The following TMEM71 variants were observed in gnomAD, a reference collection of about 807,000 sequenced individuals.
The protein encoded by TMEM71 is transmembrane protein 71.
A neutral mutation model predicts 38.0 loss-of-function variants in TMEM71; 44 were observed. The observed-to-expected ratio is 1.16, with a 90% CI of 0.91 to 1.49. TMEM71 has a LOEUF of 1.49. Ranked by LOEUF, TMEM71 falls within the 40% of genes most tolerant of loss-of-function variation. TMEM71 has a pLI of 0.00. For synonymous variants in TMEM71, 133 were observed against 122.5 expected (o/e 1.09, Z -0.56); for missense variants, 367 against 348.6 (o/e 1.05, Z -0.42).
downstream of TMEM71, among the ~76,000 whole-genome samples, chr8:132,708,690 G>C (rs748000577): frequency 2.0e-5 from 3 of 152,158 alleles, no homozygotes; most frequent in Non-Finnish European, 4.4e-5. Flanking sequence ...GTGGCAAAAG[G>C]ACTTTGTAAA....
At chr8:132,728,570 G>A (rs890352013) in intron 5 of TMEM71, among the ~76,000 whole-genome samples, 1 of 152,208 alleles carries the variant, frequency 6.6e-6, no homozygotes, top group African/African-American at 2.4e-5. Flanking sequence ...CTTCATACTT[G>A]AAGGTTGAAG....
At chr8:132,724,745 G>T (rs1827043543) in intron 6 of TMEM71, among the ~76,000 whole-genome samples, 2 of 152,308 alleles carry the variant, frequency 1.3e-5, no homozygotes, top group East Asian at 3.9e-4. Context: ...AGCATTATTA[G>T]AGAAGTGATA....
intron 7 of TMEM71, among the ~76,000 whole-genome samples, chr8:132,715,102 T>C (rs1239582431): frequency 6.6e-6 from 1 of 152,112 alleles, no homozygotes; most frequent in African/African-American, 2.4e-5. Context: ...TCTCATTCAT[T>C]GCAGTTAAGA....
intron 5 of TMEM71, among the ~76,000 whole-genome samples, chr8:132,741,737 G>A (rs1000992856): frequency 7.9e-5 from 12 of 152,130 alleles, no homozygotes; most frequent in East Asian, 5.8e-4. Flanking sequence ...ACATGAAGGC[G>A]GACTAGGAGC....
chr8:132,755,182 T>C (rs534870995), intron 3 of TMEM71, among the ~76,000 whole-genome samples: 56 of 152,172 alleles, frequency 3.7e-4, no homozygotes, highest in Non-Finnish European at 6.3e-4. Context: ...TCAACAGTTA[T>C]CAACTGTAGC....
At chr8:132,771,643 T>C in the TMEM71 span, among the ~76,000 whole-genome samples, 126,144 of 151,276 alleles carry the variant, frequency 0.83, 53,758 homozygotes, top group East Asian at 1. Flanking sequence ...TAACATCATA[T>C]TTCTTTATTT....
intron 4 of TMEM71, among the ~76,000 whole-genome samples, chr8:132,749,832 G>T (rs1480207467): frequency 6.6e-6 from 1 of 151,956 alleles, no homozygotes; most frequent in Non-Finnish European, 1.5e-5. Context: ...TGGCCAACAT[G>T]GCGAAACCCC....
upstream of TMEM71, among the ~76,000 whole-genome samples, chr8:132,763,285 T>A (rs1482791412): frequency 1.3e-5 from 2 of 152,224 alleles, no homozygotes; most frequent in East Asian, 3.8e-4. Flanking sequence ...AACATGAGCA[T>A]TAAAAGAGCA....
At chr8:132,706,326 G>T (rs574819811), downstream of TMEM71, among the ~76,000 whole-genome samples, 1 of 152,170 alleles carries the variant, frequency 6.6e-6, no homozygotes, top group East Asian at 1.9e-4. Flanking sequence ...CTTGTTTCAT[G>T]CAATGCCCTG....
chr8:132,720,799 A>C (rs1375684627), intron 7 of TMEM71, among the ~76,000 whole-genome samples: 1 of 152,226 alleles, frequency 6.6e-6, no homozygotes, highest in African/African-American at 2.4e-5. Context: ...AGAACCATAA[A>C]GACCCCTGGA....
intron 5 of TMEM71, among the ~76,000 whole-genome samples, chr8:132,731,764 C>A (rs971589440): frequency 2.6e-5 from 4 of 152,154 alleles, no homozygotes; most frequent in African/African-American, 9.7e-5. Context: ...GTGATTTTTA[C>A]CATGTAGTAG....
chr8:132,718,815 A>C (rs1230725923), intron 7 of TMEM71, among the ~76,000 whole-genome samples: 1 of 152,260 alleles, frequency 6.6e-6, no homozygotes, highest in Non-Finnish European at 1.5e-5. Context: ...TTTTGCCAAT[A>C]TGATGGGTGA....
chr8:132,731,501 G>T (rs888278971), intron 5 of TMEM71, among the ~76,000 whole-genome samples: 4 of 152,184 alleles, frequency 2.6e-5, no homozygotes, highest in African/African-American at 9.7e-5. Flanking sequence ...TAGGCACAGG[G>T]TTTATCCCAT....
intron 5 of TMEM71, among the ~76,000 whole-genome samples, chr8:132,739,261 T>C (rs1038656242): frequency 6.6e-6 from 1 of 152,226 alleles, no homozygotes; most frequent in African/African-American, 2.4e-5. Flanking sequence ...GAGCAGAGTC[T>C]GGACTTTTAA....
At chr8:132,762,950 T>C (rs1277152980), upstream of TMEM71, among the ~76,000 whole-genome samples, 2 of 152,228 alleles carry the variant, frequency 1.3e-5, no homozygotes, top group Non-Finnish European at 2.9e-5. Context: ...TCTTTCAAAA[T>C]TGCCAATGGC....
At chr8:132,731,413 G>A (rs1397556478) in intron 5 of TMEM71, among the ~76,000 whole-genome samples, 1 of 152,130 alleles carries the variant, frequency 6.6e-6, no homozygotes, top group African/African-American at 2.4e-5. Context: ...CCTTGGGGAA[G>A]GTAATATTTA....
chr8:132,775,374 C>T, the TMEM71 span: 6 of 365,484 alleles, frequency 1.6e-5, no homozygotes, highest in South Asian at 2.6e-4. Context: ...GTCGCCGGGG[C>T]CCGGCGTCGC....
At chr8:132,709,187 T>C (rs907200682), downstream of TMEM71, among the ~76,000 whole-genome samples, 1 of 152,228 alleles carries the variant, frequency 6.6e-6, no homozygotes, top group Non-Finnish European at 1.5e-5. Flanking sequence ...AAATTCTCAA[T>C]GGAAGTTCTC....
Position 132,710,968 on chromosome 8 carries a change from C to A in TMEM71, c.887G>T (p.Ter296LeuextTer44), listed in dbSNP as rs147833037. The A allele has an allele frequency of 1.5e-5, 24 of 1,605,778 alleles. No homozygotes were observed. Among genetic ancestry groups the A allele is most frequent in the Non-Finnish European group, 2.0e-5 (24 of 1,177,626 alleles). ...TTACARFVKI[*>L] Reference sequence around the variant, plus strand: ...ATCGAAGGCATTCCTAAATGGTTGTCAAATTTTGACAAACCTAGATTGGAG... The same window carrying A: ...ATCGAAGGCATTCCTAAATGGTTGTAAAATTTTGACAAACCTAGATTGGAG... The change falls in exon 10 of 10, where the codon TGA (stop) becomes TTA (leucine). Residue 296 changes from the stop codon to leucine (L), a stop_lost. Transcript: ENST00000677595.
Sources: gnomAD v4.1 joint callset for allele counts (sites outside exome capture counted in the v4.1 genomes callset) on GRCh38, gnomAD v4.1.1 for gene constraint, MANE v1.5 for transcripts, NCBI Gene and HGNC (gene_info 2026-07-23, HGNC 2026-07-21) for gene names.